The following RHBDD1 variants were observed in gnomAD, a reference collection of about 807,000 sequenced individuals.
RHBDD1 encodes the protein rhomboid-related protein 4.
A neutral mutation model predicts 36.3 loss-of-function variants in RHBDD1; 38 were observed. The ratio of observed to expected loss-of-function variants is 1.05; its 90% CI spans 0.81 to 1.37. RHBDD1 has a LOEUF of 1.37. Among genes scored for constraint, RHBDD1 ranks in the 40% most tolerant of loss-of-function variants. The pLI, the probability that RHBDD1 is intolerant of heterozygous loss-of-function variation, is 0.00. For synonymous variants in RHBDD1, 151 were observed against 136.5 expected (o/e 1.11, Z -0.74); for missense variants, 393 against 377.6 (o/e 1.04, Z -0.34).
intron 3 of RHBDD1, among the ~76,000 whole-genome samples, chr2:226,850,242 A>G (rs7603291): frequency 0.045 from 6,854 of 152,254 alleles, 493 homozygotes; most frequent in African/African-American, 0.15. Flanking sequence ...CTAGTCAGCC[A>G]TCTTAACCAC....
chr2:226,898,084 A>G (rs1053033664), intron 5 of RHBDD1, among the ~76,000 whole-genome samples: 18 of 152,200 alleles, frequency 1.2e-4, no homozygotes, highest in African/African-American at 4.1e-4. Context: ...ACATTAATCT[A>G]TTCATGAGAG....
rs567060306 is a variant in RHBDD1, at chr2:226,847,207, T to G, written c.-91+7580T>G. Among the ~76,000 whole-genome samples, 48 of 152,316 alleles carry G rather than the reference T, an allele frequency of 3.2e-4. No individual in the cohort carries two copies. In the South Asian group the frequency reaches 9.3e-3, roughly 30 times the overall value. ...AATATACAAGTTGCATTTGAGCAAA[T>G]TTTTTCATTTCAAAACAAGCATTAT... On this transcript the variant is annotated intron_variant, in intron 3 of 8. Coordinates refer to ENST00000392062, the MANE Select transcript of RHBDD1 (RefSeq NM_001167608.3).
At chr2:226,935,084 G>A (rs954111963) in intron 8 of RHBDD1, 1 of 151,992 alleles carries the variant, frequency 6.6e-6, no homozygotes, top group Non-Finnish European at 1.5e-5. Context: ...AAGCAGAATT[G>A]TCACCCCCAG....
chr2:226,897,097 T>C (rs1267935372), intron 5 of RHBDD1, among the ~76,000 whole-genome samples: 1 of 152,218 alleles, frequency 6.6e-6, no homozygotes, highest in African/African-American at 2.4e-5. Flanking sequence ...CCATCGTGCC[T>C]GGCCATCTGA....
chr2:226,895,591 C>G (rs1329496865), intron 5 of RHBDD1: 3 of 799,938 alleles, frequency 3.8e-6, no homozygotes, highest in African/African-American at 1.9e-5. Flanking sequence ...GGGGGAGATT[C>G]TTGTCCAGTT....
At chr2:226,821,587 T>C in the RHBDD1 span, among the ~76,000 whole-genome samples, 2 of 151,934 alleles carry the variant, frequency 1.3e-5, no homozygotes, top group African/African-American at 4.8e-5. Context: ...TTACCTCTTA[T>C]AGACATCATA....
chr2:226,946,738 G>C (rs1951016191), intron 8 of RHBDD1, among the ~76,000 whole-genome samples: 1 of 152,164 alleles, frequency 6.6e-6, no homozygotes, highest in Non-Finnish European at 1.5e-5. Context: ...AGAGAATCTA[G>C]AAGAAATGGA....
chr2:226,942,129 G>A (rs1950699938), intron 8 of RHBDD1, among the ~76,000 whole-genome samples: 1 of 152,076 alleles, frequency 6.6e-6, no homozygotes, highest in Admixed American at 6.6e-5. Context: ...AGTTAACTAA[G>A]TAGAGATTAA....
intron 3 of RHBDD1, among the ~76,000 whole-genome samples, chr2:226,850,646 C>T (rs1942715447): frequency 6.6e-6 from 1 of 152,126 alleles, no homozygotes; most frequent in South Asian, 2.1e-4. Context: ...TGACATTACA[C>T]TATCCCCCTT....
intron 3 of RHBDD1, among the ~76,000 whole-genome samples, chr2:226,844,459 G>C (rs147688063): frequency 2.0e-5 from 3 of 152,308 alleles, no homozygotes; most frequent in African/African-American, 7.2e-5. Context: ...TTTGAAGCAT[G>C]GCATGCTTTT....
chr2:226,886,463 C>G (rs771360500), intron 5 of RHBDD1, among the ~76,000 whole-genome samples: 1 of 152,106 alleles, frequency 6.6e-6, no homozygotes, highest in Non-Finnish European at 1.5e-5. Context: ...AAAGGGAAAA[C>G]GGAGCATGTA....
chr2:226,848,322 G>C (rs1450757983), intron 3 of RHBDD1, among the ~76,000 whole-genome samples: 1 of 152,144 alleles, frequency 6.6e-6, no homozygotes, highest in Non-Finnish European at 1.5e-5. Flanking sequence ...AAAAATGCAT[G>C]AATATCTTAA....
At chr2:226,875,818 A>C (rs1945189046) in intron 5 of RHBDD1, among the ~76,000 whole-genome samples, 1 of 152,190 alleles carries the variant, frequency 6.6e-6, no homozygotes, top group African/African-American at 2.4e-5. Context: ...TGTTCTTTTG[A>C]CCACTAGTTC....
At chr2:226,936,614 A>G (rs1950347366) in intron 8 of RHBDD1, among the ~76,000 whole-genome samples, 1 of 152,180 alleles carries the variant, frequency 6.6e-6, no homozygotes, top group African/African-American at 2.4e-5. Flanking sequence ...AATTCTACCC[A>G]TATCCCCCAC....
At chr2:226,886,156 C>T (rs1946183672) in intron 5 of RHBDD1, among the ~76,000 whole-genome samples, 1 of 152,150 alleles carries the variant, frequency 6.6e-6, no homozygotes, top group African/African-American at 2.4e-5. Context: ...TTTTTACAAC[C>T]CTTAACTTAT....
chr2:226,898,229 G>A (rs1559245637), intron 5 of RHBDD1, among the ~76,000 whole-genome samples: 2 of 152,184 alleles, frequency 1.3e-5, no homozygotes, highest in Non-Finnish European at 1.5e-5. Flanking sequence ...ACTTGAACCA[G>A]CTCAGGGAAT....
the RHBDD1 span, among the ~76,000 whole-genome samples, chr2:226,819,183 T>C: frequency 6.6e-6 from 1 of 152,238 alleles, no homozygotes. Context: ...TGAAGACAGA[T>C]ATTCCACATT....
intron 8 of RHBDD1, among the ~76,000 whole-genome samples, chr2:226,954,210 G>A (rs150669140): frequency 7.9e-4 from 120 of 152,286 alleles, no homozygotes; most frequent in African/African-American, 2.8e-3. Context: ...ATACATAGAT[G>A]AGTTTTTATC....
At chr2:226,939,939 A>G (rs1950562739) in intron 8 of RHBDD1, among the ~76,000 whole-genome samples, 1 of 152,216 alleles carries the variant, frequency 6.6e-6, no homozygotes, top group South Asian at 2.1e-4. Context: ...ATGGAACAGA[A>G]TAGAGAACCC....
Sources: gnomAD v4.1 joint callset for allele counts (sites outside exome capture counted in the v4.1 genomes callset) on GRCh38, gnomAD v4.1.1 for gene constraint, MANE v1.5 for transcripts, NCBI Gene and HGNC (gene_info 2026-07-23, HGNC 2026-07-21) for gene names.